RAPGEF2: variants seen among roughly 807,000 people sequenced by gnomAD.
RAPGEF2 encodes PDZ domain containing guanine nucleotide exchange factor (GEF) 1.
Under a neutral mutation model 186.7 loss-of-function variants are expected in RAPGEF2, and 54 were observed. The observed-to-expected ratio is 0.29, with a 90% confidence interval of 0.23 to 0.36. The LOEUF (loss-of-function observed/expected upper bound fraction) is 0.36. Among genes scored for constraint, RAPGEF2 ranks in the 10% least tolerant of loss-of-function variants. RAPGEF2 has a pLI of 1.00. For synonymous variants in RAPGEF2, 712 were observed against 705.9 expected (o/e 1.01, Z -0.14); for missense variants, 1,532 against 2,045.0 (o/e 0.75, Z 4.84).
In RAPGEF2 at chr4:159,105,678, C is replaced by A. The variant is rs1737791998; in HGVS notation, c.69+1447C>A. On this transcript the variant is annotated intron_variant, in intron 1 of 29. Transcript: ENST00000691494. ...TGTTGCACACGCTGCCTTTCCTATG[C>A]CTTTCTCATCTATTTGTTTTAAAAT... 2.0e-5 allele frequency among the ~76,000 whole-genome samples: 3 copies of A among 152,184 alleles called. No individual in the cohort carries two copies. In the South Asian group the frequency reaches 6.2e-4, roughly 31 times the overall value.
chr4:159,108,510 A>G (rs949661874), intron 1 of RAPGEF2, among the ~76,000 whole-genome samples: 14 of 151,772 alleles, frequency 9.2e-5, no homozygotes, highest in African/African-American at 3.1e-4. Context: ...CACTGTTTTT[A>G]AGAAAGGAAG....
chr4:159,296,101 C>T (rs559275145), intron 7 of RAPGEF2, among the ~76,000 whole-genome samples: 1 of 152,170 alleles, frequency 6.6e-6, no homozygotes, highest in East Asian at 1.9e-4. Flanking sequence ...TGGATATTAC[C>T]ATAAACCTTG....
chr4:159,221,152 C>A (rs765532495), intron 4 of RAPGEF2, among the ~76,000 whole-genome samples: 1 of 152,116 alleles, frequency 6.6e-6, no homozygotes, highest in Non-Finnish European at 1.5e-5. Flanking sequence ...TTGCAAAAAC[C>A]AATTGCAACA....
At chr4:159,307,031 A>G (rs1480278164) in intron 8 of RAPGEF2, among the ~76,000 whole-genome samples, 1 of 152,224 alleles carries the variant, frequency 6.6e-6, no homozygotes, top group African/African-American at 2.4e-5. Flanking sequence ...ACTGAAATAT[A>G]CACAAATATC....
At chr4:159,131,625 A>G (rs1741121849) in intron 1 of RAPGEF2, among the ~76,000 whole-genome samples, 1 of 146,808 alleles carries the variant, frequency 6.8e-6, no homozygotes, top group Non-Finnish European at 1.5e-5. Flanking sequence ...TATAAGTGCT[A>G]AGTGCAGTTA....
chr4:159,298,861 A>G (rs949309045), intron 7 of RAPGEF2, among the ~76,000 whole-genome samples: 4 of 152,200 alleles, frequency 2.6e-5, no homozygotes, highest in Admixed American at 2.0e-4. Context: ...TTAACACTTT[A>G]GTCATTTCTG....
chr4:159,183,330 C>G (rs1179387223), intron 1 of RAPGEF2, among the ~76,000 whole-genome samples: 1 of 152,210 alleles, frequency 6.6e-6, no homozygotes, highest in African/African-American at 2.4e-5. Context: ...AAAGAATAGT[C>G]TTTCCAACAG....
At chr4:159,354,765 C>T (rs1248026136) in intron 28 of RAPGEF2, among the ~76,000 whole-genome samples, 1 of 152,126 alleles carries the variant, frequency 6.6e-6, no homozygotes, top group Non-Finnish European at 1.5e-5. Context: ...AGAACAGTGC[C>T]CAGATAGTAG....
At position 159,113,950 on chromosome 4, in the gene RAPGEF2, C is replaced by T. The variant is rs573724159; in HGVS notation, c.69+9719C>T. On this transcript the variant is annotated intron_variant, in intron 1 of 29. Coordinates refer to ENST00000691494, the MANE Select transcript of RAPGEF2 (RefSeq NM_001394067.2). ...TGGATGAGAAGAGATAAAATAGTAA[C>T]GTTTATTTTATTTTATTTATTTTTG... is the stretch of plus-strand genomic sequence containing the variant. Among the ~76,000 whole-genome samples the T allele has an allele frequency of 2.0e-5, 3 of 149,580 alleles. No individual in the cohort carries two copies. In the South Asian group the frequency reaches 6.3e-4, roughly 31 times the overall value.
chr4:159,231,651 TCAAA>T (rs1478278884), intron 4 of RAPGEF2, among the ~76,000 whole-genome samples: 1 of 152,112 alleles, frequency 6.6e-6, no homozygotes, highest in Non-Finnish European at 1.5e-5. Context: ...TCCAAAAATT[TCAAA>T]TACAGAATGC....
chr4:159,268,003 T>C (rs1164776448), intron 7 of RAPGEF2: 13 of 1,437,786 alleles, frequency 9.0e-6, no homozygotes, highest in Admixed American at 2.9e-5. Flanking sequence ...TTTTTAAGCT[T>C]ACCAGTAGTG....
At chr4:159,141,866 T>A (rs1264522326) in intron 1 of RAPGEF2, among the ~76,000 whole-genome samples, 1 of 152,146 alleles carries the variant, frequency 6.6e-6, no homozygotes, top group Non-Finnish European at 1.5e-5. Flanking sequence ...TTACTTCAGT[T>A]ATAAATAATT....
At chr4:159,323,151 T>C (rs1579936796) in intron 10 of RAPGEF2, among the ~76,000 whole-genome samples, 1 of 152,350 alleles carries the variant, frequency 6.6e-6, no homozygotes, top group South Asian at 2.1e-4. Flanking sequence ...GCAATGATGA[T>C]CATTTTGTCT....
intron 1 of RAPGEF2, among the ~76,000 whole-genome samples, chr4:159,118,831 C>T (rs952813521): frequency 2.0e-5 from 3 of 152,152 alleles, no homozygotes; most frequent in African/African-American, 4.8e-5. Flanking sequence ...GTGATCCACC[C>T]ACCTCGGCCT....
chr4:159,170,724 T>C (rs1161526459), intron 1 of RAPGEF2, among the ~76,000 whole-genome samples: 1 of 152,100 alleles, frequency 6.6e-6, no homozygotes, highest in Non-Finnish European at 1.5e-5. Context: ...ATCCCATTCA[T>C]CTATTTTTGA....
chr4:159,294,631 ATTTC>A (rs145586326), intron 7 of RAPGEF2, among the ~76,000 whole-genome samples: 1,359 of 85,684 alleles, frequency 0.016, 33 homozygotes, highest in Admixed American at 0.026. Flanking sequence ...TTGAGCTTCC[ATTTC>A]TTCCTTCCTT....
chr4:159,349,390 A>G (rs1260864795), intron 25 of RAPGEF2, among the ~76,000 whole-genome samples: 1 of 152,160 alleles, frequency 6.6e-6, no homozygotes, highest in Non-Finnish European at 1.5e-5. Context: ...TTTCAGTGTA[A>G]CTTCCTCATT....
At chr4:159,116,161 T>G (rs1199363639) in intron 1 of RAPGEF2, among the ~76,000 whole-genome samples, 1 of 151,940 alleles carries the variant, frequency 6.6e-6, no homozygotes, top group African/African-American at 2.4e-5. Flanking sequence ...ACCTATAGAA[T>G]GGAGAAAATT....
chr4:159,161,961 T>A (rs1744757298), intron 1 of RAPGEF2, among the ~76,000 whole-genome samples: 1 of 152,334 alleles, frequency 6.6e-6, no homozygotes, highest in African/African-American at 2.4e-5. Context: ...TTATAGTCTT[T>A]TAAAGCATGC....
Sources: gnomAD v4.1 joint callset for allele counts (sites outside exome capture counted in the v4.1 genomes callset) on GRCh38, gnomAD v4.1.1 for gene constraint, MANE v1.5 for transcripts, NCBI Gene and HGNC (gene_info 2026-07-23, HGNC 2026-07-21) for gene names.